The following PICALM variants were observed in gnomAD, a reference collection of about 807,000 sequenced individuals.
PICALM encodes the protein phosphatidylinositol binding clathrin assembly protein.
Under a neutral mutation model 80.5 loss-of-function variants are expected in PICALM, and 40 were observed. The observed-to-expected ratio is 0.50, with a 90% CI of 0.39 to 0.65. PICALM has a LOEUF of 0.65. Among genes scored for constraint, PICALM ranks in the 30% least tolerant of loss-of-function variants. The probability of loss-of-function intolerance (pLI) is 0.00; values close to 1 mark genes in which losing one functional copy is unlikely to be tolerated. For missense variants in PICALM, 676 were observed against 778.9 expected, an observed-to-expected ratio of 0.87 and a Z score of 1.57; for synonymous variants, 288 against 260.3, an observed-to-expected ratio of 1.11 and a Z score of -1.02.
At chr11:86,043,612 C>T (rs1306607376) in intron 1 of PICALM, among the ~76,000 whole-genome samples, 2 of 152,090 alleles carry the variant, frequency 1.3e-5, no homozygotes, top group East Asian at 3.8e-4. Context: ...TTGTATCTTC[C>T]ACAATGTGAC....
At chr11:85,964,595 C>A (rs2093810435) in intron 19 of PICALM, among the ~76,000 whole-genome samples, 1 of 152,200 alleles carries the variant, frequency 6.6e-6, no homozygotes, top group African/African-American at 2.4e-5. Flanking sequence ...TTCCCTACTA[C>A]CTACCATCAA....
intron 1 of PICALM, among the ~76,000 whole-genome samples, chr11:86,036,387 T>C (rs1410544216): frequency 6.6e-6 from 1 of 152,228 alleles, no homozygotes; most frequent in South Asian, 2.1e-4. Flanking sequence ...TGGGGTCTTC[T>C]GTGAGAAACA....
chr11:86,031,593 T>C lies in PICALM; in HGVS notation c.149A>G (p.Asn50Ser). The C allele has an allele frequency of 2.5e-6, 4 of 1,608,356 alleles. No individual in the cohort carries two copies. The highest frequency in any genetic ancestry group is 3.4e-6 in the Non-Finnish European group (4 of 1,178,440). Residue 50 changes from asparagine (N) to serine (S), a missense_variant, in exon 2 of 20, where the codon AAT (asparagine) becomes AGT (serine). Physicochemically the swap from Asn to Ser is conservative, Grantham distance 46. This residue lies in a region of PICALM where 285 missense variants were observed against 395.4 expected (regional missense o/e 0.72). Transcript: ENST00000393346. Reference protein sequence around the residue: ...KHLDYLIQCTNEMNVNIPQLA... With the variant: ...KHLDYLIQCTSEMNVNIPQLA... ...CTGTGGGATGTTCACATTCATCTCA[T>C]TTGTGCACTGAATTAAGTCTGCAAT...
intron 19 of PICALM, among the ~76,000 whole-genome samples, chr11:85,961,755 TAA>T (rs774885401): frequency 6.6e-6 from 1 of 152,340 alleles, no homozygotes; most frequent in Non-Finnish European, 1.5e-5. Flanking sequence ...TAGTGAGTAA[TAA>T]AAGTTGACTA....
intron 17 of PICALM, among the ~76,000 whole-genome samples, chr11:85,979,109 T>C (rs2094364103): frequency 6.6e-6 from 1 of 152,184 alleles, no homozygotes; most frequent in South Asian, 2.1e-4. Flanking sequence ...CATGCTCCAA[T>C]TCCCTCAAGA....
intron 19 of PICALM, among the ~76,000 whole-genome samples, chr11:85,968,242 G>A (rs2093973170): frequency 6.6e-6 from 1 of 152,138 alleles, no homozygotes; most frequent in South Asian, 2.1e-4. Context: ...AGTGAGCCAT[G>A]ATTGTGCCAT....
intron 9 of PICALM, among the ~76,000 whole-genome samples, chr11:86,002,065 A>G (rs1373227806): frequency 1.3e-5 from 2 of 152,228 alleles, no homozygotes; most frequent in African/African-American, 4.8e-5. Context: ...CAAAGGAAGA[A>G]TAACATAGTT....
intron 1 of PICALM, among the ~76,000 whole-genome samples, chr11:86,057,191 A>T (rs566391309): frequency 8.5e-5 from 13 of 152,134 alleles, no homozygotes; most frequent in Non-Finnish European, 1.5e-5. Context: ...TTAAAATTGC[A>T]AAAAAATGTG....
chr11:85,999,945 G>C (rs1380031708), intron 11 of PICALM, among the ~76,000 whole-genome samples: 1 of 152,192 alleles, frequency 6.6e-6, no homozygotes, highest in African/African-American at 2.4e-5. Flanking sequence ...CTCTCCAAAT[G>C]CTTCTGATGT....
chr11:86,014,736 T>C, intron 5 of PICALM, 134 bp downstream of exon 5: 1 of 482,558 alleles, frequency 2.1e-6, no homozygotes. Context: ...TGAGACTATT[T>C]TATAAAAAAT....
chr11:85,998,844 G>A (rs371847441), intron 11 of PICALM, among the ~76,000 whole-genome samples: 4 of 152,248 alleles, frequency 2.6e-5, no homozygotes, highest in African/African-American at 9.6e-5. Context: ...AGGCTAGCTT[G>A]TACGGCTGGG....
At position 85,989,483 on chromosome 11, in the gene PICALM, C is replaced by A. The variant is rs555910508; in HGVS notation, c.1408+767G>T. Among the ~76,000 whole-genome samples, 7 of 152,244 alleles carry A rather than the reference C, an allele frequency of 4.6e-5. No homozygotes were observed. In the East Asian group the frequency reaches 1.2e-3, roughly 25 times the overall value. ...ATCACCGTTAAGCTGTTTCTCTGAA[C>A]TGAACAAAAGAAATTTCATCATCTT... On this transcript the variant is annotated intron_variant, in intron 13 of 19. Transcript: ENST00000393346.
At chr11:86,030,332 G>T (rs2095728084) in intron 2 of PICALM, among the ~76,000 whole-genome samples, 1 of 152,152 alleles carries the variant, frequency 6.6e-6, no homozygotes, top group African/African-American at 2.4e-5. Flanking sequence ...TGCTATATTG[G>T]TAGTTGTCAA....
intron 9 of PICALM, among the ~76,000 whole-genome samples, chr11:86,001,539 T>G (rs1168100846): frequency 6.6e-6 from 1 of 152,210 alleles, no homozygotes; most frequent in Non-Finnish European, 1.5e-5. Flanking sequence ...GAAAACCCTC[T>G]GCTAATTTAC....
chr11:86,000,861 G>C, intron 10 of PICALM, 82 bp from the exon 11 acceptor site: 1 of 1,524,380 alleles, frequency 6.6e-7, no homozygotes, highest in Non-Finnish European at 8.9e-7. Context: ...TTTCTAATTT[G>C]TTCTGATAGC....
intron 17 of PICALM, among the ~76,000 whole-genome samples, chr11:85,977,660 TC>T (rs927330611): frequency 2.0e-5 from 3 of 152,172 alleles, no homozygotes; most frequent in African/African-American, 7.2e-5. Context: ...TATTGGTCTC[TC>T]CCTACTTAAA....
At chr11:86,003,642 A>G (rs1358855410) in intron 8 of PICALM, 191 bp from the exon 9 acceptor site, 1 of 390,802 alleles carries the variant, frequency 2.6e-6, no homozygotes, top group Non-Finnish European at 4.5e-6. Context: ...CTAGTTGGAG[A>G]TATTAAGAAA....
chr11:86,055,350 T>C (rs1044265902), intron 1 of PICALM, among the ~76,000 whole-genome samples: 2 of 151,044 alleles, frequency 1.3e-5, no homozygotes, highest in African/African-American at 4.9e-5. Flanking sequence ...AAAGATACCA[T>C]GGAAACATAC....
intron 19 of PICALM, among the ~76,000 whole-genome samples, chr11:85,964,074 CCTT>C (rs2093791429): frequency 6.6e-6 from 1 of 151,910 alleles, no homozygotes; most frequent in African/African-American, 2.4e-5. Flanking sequence ...AATGGTTACT[CCTT>C]CATTATACTC....
Sources: allele counts gnomAD v4.1 joint callset (sites outside exome capture counted in the v4.1 genomes callset), GRCh38; gene constraint gnomAD v4.1.1; regional missense constraint gnomAD v4.1.1; transcripts MANE v1.5; gene names NCBI Gene and HGNC (gene_info 2026-07-23, HGNC 2026-07-21).